The following MITF variants were observed in gnomAD, a reference collection of about 807,000 sequenced individuals.
MITF encodes melanocyte inducing transcription factor.
Under a neutral mutation model 60.5 loss-of-function variants are expected in MITF, and 17 were observed. The ratio of observed to expected loss-of-function variants is 0.28; its 90% CI spans 0.19 to 0.42. MITF has a LOEUF of 0.42. Ranked by LOEUF, MITF falls within the 10% of genes least tolerant of loss-of-function variation. The probability of loss-of-function intolerance (pLI) is 1.00; values close to 1 mark genes in which losing one functional copy is unlikely to be tolerated. For synonymous variants in MITF, 260 were observed against 248.5 expected, an observed-to-expected ratio of 1.05 and a Z score of -0.43; for missense variants, 622 against 683.5, an observed-to-expected ratio of 0.91 and a Z score of 1.00.
chr3:69,915,529 A>AAT (rs1039670442), intron 2 of MITF, among the ~76,000 whole-genome samples: 12 of 151,678 alleles, frequency 7.9e-5, no homozygotes, highest in Admixed American at 2.0e-4. Context: ...ACCTATTTAA[A>AAT]ATATATATAT....
At chr3:69,863,550 T>C (rs936255048) in intron 1 of MITF, among the ~76,000 whole-genome samples, 2 of 152,164 alleles carry the variant, frequency 1.3e-5, no homozygotes, top group African/African-American at 4.8e-5. Flanking sequence ...ATTGATACCA[T>C]TGGTTTCGTG....
intron 2 of MITF, among the ~76,000 whole-genome samples, chr3:69,926,073 G>T (rs941431452): frequency 6.6e-6 from 1 of 152,184 alleles, no homozygotes; most frequent in Non-Finnish European, 1.5e-5. Flanking sequence ...TGAATGGTTT[G>T]TTAAGTGGGG....
chr3:69,865,488 T>C (rs546274566), intron 1 of MITF, among the ~76,000 whole-genome samples: 6 of 152,274 alleles, frequency 3.9e-5, no homozygotes, highest in Non-Finnish European at 8.8e-5. Context: ...TTTTAAAGTG[T>C]TTTTTGAGAA....
chr3:69,968,291 C>T lies in MITF; in HGVS notation c.*3043C>T, dbSNP rs981112526. 5.2e-5 allele frequency: 12 copies of T among 229,838 alleles called. No homozygotes were observed. The highest frequency in any genetic ancestry group is 2.3e-4 in the Admixed American group (4 of 17,658). The allele number at this position is 229,838 out of a possible 1,614,324, so 14.2% of individuals were successfully genotyped here. A position where few individuals can be genotyped will look rare whatever the true frequency, so the allele number is the denominator to read the frequency against. On this transcript the variant is annotated 3_prime_UTR_variant, in exon 10 of 10. Coordinates refer to ENST00000352241, the MANE Select transcript of MITF (RefSeq NM_001354604.2). ...ATATTAATGTATCCAATGAAATAATCGACTTGTTCTTGATAGCCTCATTAA... is the reference window on the plus strand; with the variant it reads ...ATATTAATGTATCCAATGAAATAATTGACTTGTTCTTGATAGCCTCATTAA...
chr3:69,909,334 C>A (rs1361211995), intron 2 of MITF, among the ~76,000 whole-genome samples: 5 of 152,164 alleles, frequency 3.3e-5, no homozygotes, highest in Non-Finnish European at 7.3e-5. Context: ...CCAATTAAAC[C>A]TCTTTTTCCT....
chr3:69,938,267 C>A, intron 3 of MITF: 1 of 1,285,332 alleles, frequency 7.8e-7, no homozygotes, highest in Non-Finnish European at 1.1e-6. Flanking sequence ...TGGCCCTCTC[C>A]AAGTGAAATG....
rs544871673 is a variant in MITF at position 69,864,771 on chromosome 3, T to C, written c.105-14363T>C. 3.4e-4 allele frequency among the ~76,000 whole-genome samples: 51 copies of C among 152,210 alleles called. No individual in the cohort carries two copies. The South Asian group carries it at 9.0e-3, about 27-fold the overall frequency. ...CACCATGTTTTTCCTTCATACTATG[T>C]CCTTCAGTGATAGTGAGTCTGCCTG... On this transcript the variant is annotated intron_variant, in intron 1 of 9. Coordinates refer to ENST00000352241, the MANE Select transcript of MITF (RefSeq NM_001354604.2).
chr3:69,840,896 C>T (rs1162926164), intron 1 of MITF, among the ~76,000 whole-genome samples: 6 of 151,960 alleles, frequency 3.9e-5, no homozygotes. Flanking sequence ...ACTGGGATTA[C>T]AGGTACATGC....
chr3:69,766,096 A>G (rs1465484116), intron 1 of MITF, among the ~76,000 whole-genome samples: 1 of 152,244 alleles, frequency 6.6e-6, no homozygotes, highest in Non-Finnish European at 1.5e-5. Flanking sequence ...GAAGTTTAAT[A>G]GTTGAACAAG....
chr3:69,841,057 C>G (rs1253380297), intron 1 of MITF, among the ~76,000 whole-genome samples: 1 of 152,120 alleles, frequency 6.6e-6, no homozygotes, highest in Non-Finnish European at 1.5e-5. Context: ...CACCAGGCCT[C>G]TAAACTGCTT....
intron 1 of MITF, among the ~76,000 whole-genome samples, chr3:69,807,196 CT>C (rs933454156): frequency 6.6e-6 from 1 of 152,180 alleles, no homozygotes; most frequent in African/African-American, 2.4e-5. Flanking sequence ...CCTGACTTCT[CT>C]TTTATTTACA....
chr3:69,778,088 T>C (rs1046304941), intron 1 of MITF, among the ~76,000 whole-genome samples: 3 of 151,946 alleles, frequency 2.0e-5, no homozygotes, highest in African/African-American at 7.3e-5. Flanking sequence ...CTGAGAGATA[T>C]CAGGGAAGGA....
At chr3:69,789,384 A>G (rs1416476281) in intron 1 of MITF, among the ~76,000 whole-genome samples, 3 of 152,210 alleles carry the variant, frequency 2.0e-5, no homozygotes, top group Non-Finnish European at 4.4e-5. Context: ...AGCACGTGAA[A>G]AAGTGCTCAA....
intron 1 of MITF, among the ~76,000 whole-genome samples, chr3:69,857,844 A>G (rs2063946256): frequency 6.6e-6 from 1 of 152,096 alleles, no homozygotes. Context: ...GATTTTAATA[A>G]TTTTGACTCT....
At chr3:69,848,474 C>T (rs1239439793) in intron 1 of MITF, among the ~76,000 whole-genome samples, 1 of 152,174 alleles carries the variant, frequency 6.6e-6, no homozygotes, top group Non-Finnish European at 1.5e-5. Flanking sequence ...CTCGAGCACT[C>T]ATGGATGGAT....
chr3:69,907,334 T>C (rs763792852), intron 2 of MITF, among the ~76,000 whole-genome samples: 6 of 152,084 alleles, frequency 3.9e-5, no homozygotes, highest in Non-Finnish European at 7.4e-5. Context: ...GTCAAACTGG[T>C]TGAATAAATA....
At chr3:69,752,489 A>G (rs1703972515) in intron 1 of MITF, 1 of 152,216 alleles carries the variant, frequency 6.6e-6, no homozygotes, top group African/African-American at 2.4e-5. Context: ...ATGTGTTAGC[A>G]AAGAGGTTGG....
intron 1 of MITF, chr3:69,762,909 G>A (rs1239898751): frequency 1.3e-5 from 3 of 224,726 alleles, no homozygotes; most frequent in Admixed American, 1.1e-4. Context: ...ATTTCCTGGG[G>A]TTGGAGGTTT....
intron 1 of MITF, among the ~76,000 whole-genome samples, chr3:69,793,552 A>ATAGCATGC (rs1559633677): frequency 2.0e-5 from 3 of 151,998 alleles, no homozygotes; most frequent in East Asian, 1.9e-4. Flanking sequence ...CCCAATGCTC[A>ATAGCATGC]AGTTATGATG....
Sources: allele counts gnomAD v4.1 joint callset (sites outside exome capture counted in the v4.1 genomes callset), GRCh38; gene constraint gnomAD v4.1.1; transcripts MANE v1.5; gene names NCBI Gene and HGNC (gene_info 2026-07-23, HGNC 2026-07-21).